PLXDC2: variants seen among roughly 807,000 people sequenced by gnomAD.
PLXDC2 encodes plexin domain-containing protein 2.
Under a neutral mutation model 68.9 loss-of-function variants are expected in PLXDC2, and 40 were observed. That is an observed-to-expected ratio of 0.58 (90% CI 0.45 to 0.76). The LOEUF (loss-of-function observed/expected upper bound fraction) is 0.76, where lower values mean the gene tolerates loss of function less well. PLXDC2 is among the 30% of genes least tolerant of loss of function. The probability of loss-of-function intolerance (pLI) is 0.00; values close to 1 mark genes in which losing one functional copy is unlikely to be tolerated. For missense variants in PLXDC2, 644 were observed against 661.9 expected, an observed-to-expected ratio of 0.97 and a Z score of 0.30; for synonymous variants, 243 against 234.2, an observed-to-expected ratio of 1.04 and a Z score of -0.34.
At chr10:20,147,657 T>A in intron 5 of PLXDC2, 127 bp from the exon 6 acceptor site, 1 of 590,626 alleles carries the variant, frequency 1.7e-6, no homozygotes, top group Non-Finnish European at 3.0e-6. Context: ...ATTAACCACA[T>A]AAAATCGAAA....
Position 19,823,661 on chromosome 10 carries a change from A to C in PLXDC2, c.112+6470A>C, listed in dbSNP as rs371745753. 3.3e-5 allele frequency among the ~76,000 whole-genome samples: 5 copies of C among 151,118 alleles called. No homozygotes were observed. The South Asian group carries it at 8.4e-4, about 25-fold the overall frequency. On this transcript the variant is annotated intron_variant, in intron 1 of 13. Coordinates refer to ENST00000377252, the MANE Select transcript of PLXDC2 (RefSeq NM_032812.9). ...CACTCCAGCTGGGCGACAGAGCAAG[A>C]CTTCATCTCAAAAAAAAAAAAATTC... is the stretch of plus-strand genomic sequence containing the variant.
chr10:19,882,909 C>T (rs1268309909), intron 1 of PLXDC2, among the ~76,000 whole-genome samples: 1 of 149,470 alleles, frequency 6.7e-6, no homozygotes, highest in African/African-American at 2.5e-5. Flanking sequence ...TTTTCCTACA[C>T]TACCAAGGAA....
At chr10:20,138,711 A>G (rs1009443304) in intron 4 of PLXDC2, among the ~76,000 whole-genome samples, 1 of 152,102 alleles carries the variant, frequency 6.6e-6, no homozygotes, top group African/African-American at 2.4e-5. Flanking sequence ...CCAGGAGTTC[A>G]AGACCAGCCT....
intron 9 of PLXDC2, among the ~76,000 whole-genome samples, chr10:20,188,107 A>G (rs1481825016): frequency 6.6e-6 from 1 of 151,740 alleles, no homozygotes; most frequent in East Asian, 1.9e-4. Flanking sequence ...AGTGTAAATA[A>G]ATGTGAATGT....
chr10:20,180,857 A>T (rs1436299442), intron 9 of PLXDC2, among the ~76,000 whole-genome samples: 1 of 152,064 alleles, frequency 6.6e-6, no homozygotes, highest in Non-Finnish European at 1.5e-5. Context: ...AAGAGTGCTT[A>T]TGTTTCCTCA....
chr10:20,260,949 G>A, intron 13 of PLXDC2, among the ~76,000 whole-genome samples: 1 of 152,246 alleles, frequency 6.6e-6, no homozygotes, highest in East Asian at 1.9e-4. Context: ...ACAGAGTAAT[G>A]TTGAGCGTCT....
chr10:20,123,929 G>T (rs1313310172), intron 4 of PLXDC2, among the ~76,000 whole-genome samples: 1 of 151,922 alleles, frequency 6.6e-6, no homozygotes, highest in Non-Finnish European at 1.5e-5. Context: ...AGATATAAGG[G>T]GTTGGGGTAA....
chr10:20,126,127 TG>T (rs1833771740), intron 4 of PLXDC2, among the ~76,000 whole-genome samples: 1 of 147,384 alleles, frequency 6.8e-6, no homozygotes, highest in Non-Finnish European at 1.5e-5. Flanking sequence ...ATATAATATA[TG>T]TTATATATGT....
At chr10:19,920,556 G>C (rs1015703173) in intron 1 of PLXDC2, among the ~76,000 whole-genome samples, 6 of 152,218 alleles carry the variant, frequency 3.9e-5, no homozygotes, top group African/African-American at 1.2e-4. Flanking sequence ...GGGGCAGTCA[G>C]AGGAGAGGCC....
chr10:19,963,848 C>A (rs376443384), intron 1 of PLXDC2, among the ~76,000 whole-genome samples: 81 of 148,722 alleles, frequency 5.4e-4, no homozygotes, highest in South Asian at 1.3e-3. Context: ...AAAAAAAAAA[C>A]AAAAAACAAG....
At chr10:20,064,605 G>A (rs1189759865) in intron 3 of PLXDC2, among the ~76,000 whole-genome samples, 1 of 152,068 alleles carries the variant, frequency 6.6e-6, no homozygotes, top group Non-Finnish European at 1.5e-5. Context: ...ATTTAATAAA[G>A]GATGCATAAC....
chr10:20,067,019 T>C (rs141299333), intron 3 of PLXDC2, among the ~76,000 whole-genome samples: 1 of 152,310 alleles, frequency 6.6e-6, no homozygotes, highest in East Asian at 1.9e-4. Flanking sequence ...ATTGCGGTTT[T>C]TGCCATTACT....
At chr10:20,186,684 G>A (rs922510248) in intron 9 of PLXDC2, among the ~76,000 whole-genome samples, 5 of 151,750 alleles carry the variant, frequency 3.3e-5, no homozygotes, top group Admixed American at 2.0e-4. Flanking sequence ...TCAGTTCCTC[G>A]GTTAGTTTGC....
intron 9 of PLXDC2, among the ~76,000 whole-genome samples, chr10:20,197,456 C>G (rs1348598630): frequency 6.6e-6 from 1 of 152,058 alleles, no homozygotes; most frequent in Non-Finnish European, 1.5e-5. Context: ...CTCCTGGGTT[C>G]AACTGATTCT....
chr10:19,899,111 C>G (rs1311012661), intron 1 of PLXDC2, among the ~76,000 whole-genome samples: 1 of 152,164 alleles, frequency 6.6e-6, no homozygotes, highest in East Asian at 1.9e-4. Context: ...ATTTTCTTTG[C>G]CTGTCTCCTG....
chr10:19,834,329 T>C (rs1375941428), intron 1 of PLXDC2, among the ~76,000 whole-genome samples: 3 of 145,224 alleles, frequency 2.1e-5, no homozygotes, highest in Non-Finnish European at 4.6e-5. Flanking sequence ...AAGAGAGAGG[T>C]AGAGAGAGAG....
intron 1 of PLXDC2, among the ~76,000 whole-genome samples, chr10:19,867,361 G>A (rs1837439993): frequency 6.6e-6 from 1 of 152,014 alleles, no homozygotes; most frequent in South Asian, 2.1e-4. Context: ...CACCACTCCT[G>A]GCCTCCGTTC....
At chr10:19,875,353 T>G (rs1289976492) in intron 1 of PLXDC2, among the ~76,000 whole-genome samples, 1 of 152,214 alleles carries the variant, frequency 6.6e-6, no homozygotes, top group Non-Finnish European at 1.5e-5. Flanking sequence ...ATGAGCATCA[T>G]GGATGTAATA....
chr10:20,205,930 A>G (rs1486142905), intron 9 of PLXDC2, among the ~76,000 whole-genome samples: 1 of 151,718 alleles, frequency 6.6e-6, no homozygotes, highest in African/African-American at 2.4e-5. Flanking sequence ...ATTTTTGTGT[A>G]TTTTTGCTGT....
Sources: gnomAD v4.1 joint callset for allele counts (sites outside exome capture counted in the v4.1 genomes callset) on GRCh38, gnomAD v4.1.1 for gene constraint, MANE v1.5 for transcripts, NCBI Gene and HGNC (gene_info 2026-07-23, HGNC 2026-07-21) for gene names.